The following CHD1L variants were observed in gnomAD, a reference collection of about 807,000 sequenced individuals.
The protein encoded by CHD1L is ATP-dependent chromatin remodeler CHD1L.
A neutral mutation model predicts 115.9 loss-of-function variants in CHD1L; 118 were observed. That is an observed-to-expected ratio of 1.02 (90% CI 0.88 to 1.19). The LOEUF (loss-of-function observed/expected upper bound fraction) is 1.19. Among genes scored for constraint, CHD1L ranks in the 50% most tolerant of loss-of-function variants. The probability of loss-of-function intolerance (pLI) is 0.00; values close to 1 mark genes in which losing one functional copy is unlikely to be tolerated. For missense variants in CHD1L, 1,179 were observed against 1,065.3 expected (o/e 1.11, Z -1.49); for synonymous variants, 411 against 387.1 (o/e 1.06, Z -0.72).
At chr1:147,231,964 G>A in the CHD1L span, among the ~76,000 whole-genome samples, 1 of 152,164 alleles carries the variant, frequency 6.6e-6, no homozygotes. Context: ...ACACTCCCCA[G>A]TGAGATGAAC....
the CHD1L span, chr1:147,212,605 T>A: frequency 1.4e-6 from 2 of 1,427,780 alleles, no homozygotes; most frequent in Non-Finnish European, 1.9e-6. Context: ...AAGTCATTTG[T>A]TTTTTTTGCA....
In CHD1L at chr1:147,284,504, G is replaced by C; in HGVS notation, c.1854+5G>C. On this transcript the variant is annotated splice_donor_5th_base_variant and intron_variant, in intron 16 of 22. Coordinates refer to ENST00000369258, the MANE Select transcript of CHD1L (RefSeq NM_004284.6). ...TCACTCCGAAATAAAGGCAGTGTAA[G>C]AACTGTTAATTTATTTAAAAGTTGT... 1.3e-6 allele frequency: 2 copies of C among 1,567,328 alleles called. No individual in the cohort carries two copies. Among genetic ancestry groups the C allele is most frequent in the Non-Finnish European group, 1.7e-6 (2 of 1,165,056 alleles).
chr1:147,286,255 T>A lies in CHD1L; in HGVS notation c.2019-43T>A, dbSNP rs782390617. On this transcript the variant is annotated intron_variant, in intron 17 of 22. Coordinates refer to ENST00000369258, the MANE Select transcript of CHD1L (RefSeq NM_004284.6). The stretch of plus-strand genomic sequence containing the variant: ...ATAAAATGTGCTCCAAGGGAAATTG[T>A]GATTGTCTGGGTTAATTTCCTTTTG... 3 of 1,585,636 alleles carry A rather than the reference T, an allele frequency of 1.9e-6. No individual in the cohort carries two copies. In the South Asian group the frequency reaches 3.4e-5, roughly 18 times the overall value.
chr1:147,204,903 G>T, the CHD1L span: 1 of 1,580,820 alleles, frequency 6.3e-7, no homozygotes, highest in South Asian at 1.1e-5. Flanking sequence ...TCTGGGCGAA[G>T]CCCGGAGCCT....
the CHD1L span, among the ~76,000 whole-genome samples, chr1:147,197,534 T>G: frequency 6.6e-6 from 1 of 152,096 alleles, no homozygotes; most frequent in Non-Finnish European, 1.5e-5. Context: ...GTTACTCTCA[T>G]ACTGCTCATG....
the CHD1L span, chr1:147,215,259 T>C: frequency 2.0e-5 from 3 of 152,310 alleles, no homozygotes; most frequent in African/African-American, 7.2e-5. Context: ...TTCAGGTTTT[T>C]ATTCTGCAAT....
At chr1:147,248,661 A>G (rs1024135312) in intron 1 of CHD1L, among the ~76,000 whole-genome samples, 1 of 151,908 alleles carries the variant, frequency 6.6e-6, no homozygotes, top group Admixed American at 6.6e-5. Flanking sequence ...AACATTTTTT[A>G]GAATTTTATT....
the CHD1L span, among the ~76,000 whole-genome samples, chr1:147,212,803 T>C: frequency 6.6e-6 from 1 of 152,216 alleles, no homozygotes; most frequent in Non-Finnish European, 1.5e-5. Flanking sequence ...AAATATAAAC[T>C]GCCTCAGAAA....
At chr1:147,229,497 T>G in the CHD1L span, among the ~76,000 whole-genome samples, 1 of 152,186 alleles carries the variant, frequency 6.6e-6, no homozygotes, top group Non-Finnish European at 1.5e-5. Context: ...TGCGGGCTCT[T>G]TTTTGGTTCC....
At chr1:147,186,467 A>AG in the CHD1L span, 1 of 972,092 alleles carries the variant, frequency 1.0e-6, no homozygotes, top group Non-Finnish European at 1.2e-6. Context: ...AATATGAAAA[A>AG]AAACTAAAAT....
At chr1:147,199,689 A>C in the CHD1L span, among the ~76,000 whole-genome samples, 1 of 152,204 alleles carries the variant, frequency 6.6e-6, no homozygotes, top group Non-Finnish European at 1.5e-5. Context: ...TATGACTAGA[A>C]TTAGGCCAAC....
chr1:147,232,434 C>A, the CHD1L span, among the ~76,000 whole-genome samples: 2 of 152,084 alleles, frequency 1.3e-5, no homozygotes, highest in Admixed American at 1.3e-4. Context: ...TTCCCATTAT[C>A]TCAAGTAGCA....
In CHD1L at chr1:147,252,737, T is replaced by C. The variant is rs1668808252; in HGVS notation, c.240+2T>C. 6.2e-7 allele frequency: 1 copy of C among 1,606,906 alleles called. No homozygotes were observed. Among genetic ancestry groups the C allele is most frequent in the Non-Finnish European group, 8.5e-7 (1 of 1,173,784 alleles). ...ATGGGCCTGGGGAAGACCTGCCAGG[T>C]GTGTTACTATGCGACGAGTACTGCT... On this transcript the variant is annotated splice_donor_variant, in intron 2 of 22. Transcript: ENST00000369258. LOFTEE classifies it high-confidence loss of function.
chr1:147,290,190 C>G (rs1200239326), intron 19 of CHD1L, among the ~76,000 whole-genome samples: 5 of 152,108 alleles, frequency 3.3e-5, no homozygotes, highest in Non-Finnish European at 2.9e-5. Flanking sequence ...TCAGGAAATC[C>G]TCCTGCCTCA....
At chr1:147,260,150 T>C (rs1671443294) in intron 6 of CHD1L, 2 of 382,166 alleles carry the variant, frequency 5.2e-6, no homozygotes, top group Non-Finnish European at 9.6e-6. Flanking sequence ...TGAACCTACA[T>C]TGATACATCG....
the CHD1L span, among the ~76,000 whole-genome samples, chr1:147,195,118 C>T: frequency 6.6e-6 from 1 of 152,056 alleles, no homozygotes; most frequent in Non-Finnish European, 1.5e-5. Context: ...AACTTGGTTC[C>T]ATTCTCCCCG....
At chr1:147,179,222 T>A in the CHD1L span, 6 of 1,613,882 alleles carry the variant, frequency 3.7e-6, no homozygotes, top group Non-Finnish European at 5.1e-6. Context: ...TCTGAACCTA[T>A]CCCAGAGAGC....
upstream of CHD1L, among the ~76,000 whole-genome samples, chr1:147,241,304 C>T (rs1664853954): frequency 6.6e-6 from 1 of 152,124 alleles, no homozygotes; most frequent in Non-Finnish European, 1.5e-5. Context: ...TTTAAATGGC[C>T]CGTCTTTGCC....
intron 8 of CHD1L, 144 bp from the exon 9 acceptor site, chr1:147,267,282 A>G (rs1674298188): frequency 3.7e-6 from 2 of 541,920 alleles, no homozygotes; most frequent in Non-Finnish European, 6.4e-6. Context: ...TCTCAATACA[A>G]TTCAGTGAAA....
Sources: gnomAD v4.1 joint callset for allele counts (sites outside exome capture counted in the v4.1 genomes callset) on GRCh38, gnomAD v4.1.1 for gene constraint, MANE v1.5 for transcripts, NCBI Gene and HGNC (gene_info 2026-07-23, HGNC 2026-07-21) for gene names.